Variants in TPPP observed in about 807,000 individuals in gnomAD.
TPPP encodes tubulin polymerization promoting protein.
TPPP carries 6 observed loss-of-function variants against 15.5 expected under a neutral mutation model. That is an observed-to-expected ratio of 0.39 (90% confidence interval 0.21 to 0.77). TPPP has a LOEUF of 0.77. TPPP is among the 30% of genes least tolerant of loss of function. The pLI is 0.42. For synonymous variants in TPPP, 146 were observed against 133.9 expected, an observed-to-expected ratio of 1.09 and a Z score of -0.63; for missense variants, 269 against 307.2, an observed-to-expected ratio of 0.88 and a Z score of 0.93.
intron 1 of TPPP, among the ~76,000 whole-genome samples, chr5:682,747 G>A (rs1017493329): frequency 1.3e-5 from 2 of 152,212 alleles, no homozygotes; most frequent in African/African-American, 4.8e-5. Flanking sequence ...CACTGCCCAC[G>A]CCCACGCGGG....
chr5:679,027 G>A (rs1359184318), intron 1 of TPPP, among the ~76,000 whole-genome samples: 1 of 152,162 alleles, frequency 6.6e-6, no homozygotes, highest in Non-Finnish European at 1.5e-5. Flanking sequence ...CGTCAGCACT[G>A]CACTGAGAGC....
intron 2 of TPPP, among the ~76,000 whole-genome samples, chr5:675,465 G>GGGGGTGCAGTGTAGCCA (rs1740393231): frequency 2.2e-5 from 1 of 45,450 alleles, no homozygotes; most frequent in Admixed American, 2.1e-4. Flanking sequence ...GTGCAGCACA[G>GGGGGTGCAGTGTAGCCA]GGGGTGCAGT....
chr5:698,515 G>A, the TPPP span, among the ~76,000 whole-genome samples: 1 of 151,976 alleles, frequency 6.6e-6, no homozygotes, highest in African/African-American at 2.4e-5. Flanking sequence ...CGGCTGGGGA[G>A]GCCTCCCAGT....
chr5:681,257 C>T (rs1740612915), intron 1 of TPPP, among the ~76,000 whole-genome samples: 1 of 152,190 alleles, frequency 6.6e-6, no homozygotes, highest in African/African-American at 2.4e-5. Flanking sequence ...TGCTCTTTCA[C>T]CGTGAGGGAA....
At position 662,486 on chromosome 5, in the gene TPPP, C is replaced by G. The variant is rs1029587826; in HGVS notation, c.*2616G>C. The G allele has an allele frequency of 6.6e-6, 1 of 152,420 alleles. No individual in the cohort carries two copies. The highest frequency in any genetic ancestry group is 1.5e-5 in the Non-Finnish European group (1 of 68,160). 9.4% of individuals were successfully genotyped at this position (152,420 alleles called of 1,614,324 possible). On this transcript the variant is annotated 3_prime_UTR_variant, in exon 4 of 4. Transcript: ENST00000360578. ...CTGGCGAGCCTCTGTGCCTGCCGTG[C>G]GGTGTGAGGACCCGCGGACCCCAAC...
Position 665,348 on chromosome 5 carries a change from C to T in TPPP, c.466-52G>A, listed in dbSNP as rs779179110. On this transcript the variant is annotated intron_variant, in intron 3 of 3. Coordinates refer to ENST00000360578, the MANE Select transcript of TPPP (RefSeq NM_007030.3). The stretch of plus-strand genomic sequence containing the variant: ...CAGGTGAGTTGCGAGCCAGGTGAGG[C>T]CAGCAAGTGAAATGGCTGTGCCCTG... The T allele has an allele frequency of 3.2e-6, 5 of 1,542,758 alleles. No individual in the cohort carries two copies. The Admixed American group carries it at 5.6e-5, about 17-fold the overall frequency.
chr5:696,727 T>TGAGA (rs1290276451), upstream of TPPP, among the ~76,000 whole-genome samples: 1 of 64,478 alleles, frequency 1.6e-5, no homozygotes, highest in African/African-American at 5.9e-5. Context: ...TGTGCACCTG[T>TGAGA]GTGTGAGAGT....
Position 665,033 on chromosome 5 carries a change from A to G in TPPP, c.*69T>C, listed in dbSNP as rs72707016. 0.18 allele frequency: 268,700 copies of G among 1,528,966 alleles called. 25,839 individuals carry two copies. The highest frequency in any genetic ancestry group is 0.21 in the Admixed American group (12,090 of 56,950). 94.7% of individuals were successfully genotyped at this position (1,528,966 alleles called of 1,614,324 possible). A position where few individuals can be genotyped will look rare whatever the true frequency, so the allele number is the denominator to read the frequency against. ...TCTGCCCCAGTTAGTACAGGAATGTAATGAAGTGCGAGGTGACAGAGTCCC... is the reference window on the plus strand; with the variant it reads ...TCTGCCCCAGTTAGTACAGGAATGTGATGAAGTGCGAGGTGACAGAGTCCC... On this transcript the variant is annotated 3_prime_UTR_variant, in exon 4 of 4. Coordinates refer to ENST00000360578, the MANE Select transcript of TPPP (RefSeq NM_007030.3).
chr5:668,242 G>A (rs71585296), intron 2 of TPPP, among the ~76,000 whole-genome samples: 3 of 62,830 alleles, frequency 4.8e-5, no homozygotes, highest in African/African-American at 2.5e-4. Flanking sequence ...TGTGGGCGCC[G>A]TCAGGGAAGT....
At chr5:668,280 C>T (rs60443587) in intron 2 of TPPP, among the ~76,000 whole-genome samples, 3 of 49,256 alleles carry the variant, frequency 6.1e-5, no homozygotes, top group East Asian at 8.2e-4. Flanking sequence ...GAGGGGTCCG[C>T]GTGGGCGCCG....
At chr5:685,015 C>T (rs1244452526) in intron 1 of TPPP, among the ~76,000 whole-genome samples, 3 of 152,222 alleles carry the variant, frequency 2.0e-5, no homozygotes, top group Non-Finnish European at 2.9e-5. Context: ...CCAGGACACA[C>T]GTCCAGAGAG....
Position 673,897 on chromosome 5 carries a change from C to T in TPPP, c.311+3853G>A, listed in dbSNP as rs544873534. Among the ~76,000 whole-genome samples, 347 of 152,370 alleles carry T rather than the reference C, an allele frequency of 2.3e-3. 2 individuals carry two copies. The highest frequency in any genetic ancestry group is 7.8e-3 in the African/African-American group (324 of 41,592). On this transcript the variant is annotated intron_variant, in intron 2 of 3. Transcript: ENST00000360578. ...TCATTCTCCAAATGAGCCACAGCCA[C>T]CCAGCCCCACCCACCGCAGGGAGAG...
At chr5:679,679 C>T (rs1365774889) in intron 1 of TPPP, among the ~76,000 whole-genome samples, 2 of 152,050 alleles carry the variant, frequency 1.3e-5, no homozygotes, top group Non-Finnish European at 2.9e-5. Context: ...AAAGAACCTT[C>T]TGGGATGCTT....
At chr5:669,722 C>A (rs534310498) in intron 2 of TPPP, among the ~76,000 whole-genome samples, 2 of 152,044 alleles carry the variant, frequency 1.3e-5, no homozygotes, top group Admixed American at 1.3e-4. Flanking sequence ...ACCTGCTCTG[C>A]GCGCTCCCCG....
intron 1 of TPPP, among the ~76,000 whole-genome samples, chr5:683,383 G>A (rs447460): frequency 0.46 from 69,092 of 151,444 alleles, 16,621 homozygotes; most frequent in Non-Finnish European, 0.54. Flanking sequence ...AGGCACGCAC[G>A]CCACACACTC....
upstream of TPPP, among the ~76,000 whole-genome samples, chr5:697,308 G>A (rs1263229314): frequency 7.8e-6 from 1 of 127,834 alleles, no homozygotes; most frequent in Non-Finnish European, 1.7e-5. Flanking sequence ...TTCAGCCCTA[G>A]GCTGAGCTGC....
upstream of TPPP, chr5:693,375 C>CCCCAGCCCCGCCCCCAG (rs1740947414): frequency 6.8e-6 from 1 of 147,846 alleles, no homozygotes; most frequent in Non-Finnish European, 1.5e-5. Flanking sequence ...CCGCGCCCGC[C>CCCCAGCCCCGCCCCCAG]CGTCCCGCCC....
At position 675,505 on chromosome 5, in the gene TPPP, G is replaced by A. The variant is rs1383100827; in HGVS notation, c.311+2245C>T. 5.5e-3 allele frequency among the ~76,000 whole-genome samples: 448 copies of A among 81,634 alleles called. 17 individuals are homozygous for A. Among genetic ancestry groups the A allele is most frequent in the African/African-American group, 0.024 (390 of 16,240 alleles). 53.6% of individuals were successfully genotyped at this position (81,634 alleles called of 152,430 possible). The stretch of plus-strand genomic sequence containing the variant: ...CCAGGGGTACATTGTGGCCGGGGCT[G>A]CAGTGTGACCAGGGGTGCAGTGTGG... On this transcript the variant is annotated intron_variant, in intron 2 of 3. Coordinates refer to ENST00000360578, the MANE Select transcript of TPPP (RefSeq NM_007030.3).
intron 2 of TPPP, among the ~76,000 whole-genome samples, chr5:675,364 A>C (rs1350607507): frequency 5.9e-5 from 1 of 16,972 alleles, no homozygotes. Context: ...GGGGGTGTGC[A>C]GTGTGGCCGG....
Sources: allele counts gnomAD v4.1 joint callset (sites outside exome capture counted in the v4.1 genomes callset), GRCh38; gene constraint gnomAD v4.1.1; transcripts MANE v1.5; gene names NCBI Gene and HGNC (gene_info 2026-07-23, HGNC 2026-07-21).